Variants in IFT74 observed in about 807,000 individuals in gnomAD.
IFT74 encodes intraflagellar transport protein 74 homolog.
In IFT74, 92 loss-of-function variants were observed where a neutral mutation model predicts 96.7. The ratio of observed to expected loss-of-function variants is 0.95; its 90% CI spans 0.80 to 1.13. The LOEUF is 1.13. IFT74 is among the 50% of genes most tolerant of loss of function. IFT74 has a pLI of 0.00. For missense variants in IFT74, 811 were observed against 698.2 expected (o/e 1.16, Z -1.82); for synonymous variants, 223 against 213.2 (o/e 1.05, Z -0.40).
At chr9:27,051,033 A>G (rs999440386) in intron 16 of IFT74, among the ~76,000 whole-genome samples, 1 of 152,130 alleles carries the variant, frequency 6.6e-6, no homozygotes, top group African/African-American at 2.4e-5. Flanking sequence ...TATCCTACCT[A>G]GTGTGACTAT....
In IFT74 at chr9:27,066,072, T is replaced by C. The variant is rs17694631; in HGVS notation, c.*3336T>C. Among the ~76,000 whole-genome samples the C allele has an allele frequency of 0.1, 15,391 of 152,260 alleles. 1,030 individuals are homozygous for C. Among genetic ancestry groups the C allele is most frequent in the South Asian group, 0.26 (1,253 of 4,822 alleles). On this transcript the variant is annotated 3_prime_UTR_variant, in exon 20 of 20. Transcript: ENST00000380062. ...CGCATCTATATTTATGTCACACATA[T>C]CTGTTTTATTTATGTATTTATGCAC... is the stretch of plus-strand genomic sequence containing the variant.
At chr9:26,969,047 G>T (rs965029516) in intron 2 of IFT74, among the ~76,000 whole-genome samples, 5 of 151,976 alleles carry the variant, frequency 3.3e-5, no homozygotes, top group African/African-American at 1.2e-4. Context: ...GCACTTACAG[G>T]TATAAACTTT....
chr9:27,062,934 C>T lies in IFT74; in HGVS notation c.*198C>T. On this transcript the variant is annotated 3_prime_UTR_variant, in exon 20 of 20. Transcript: ENST00000380062. ...TAAATGGTTTGCATATTAAAAAGTA[C>T]CATCTTCTTTTCTTTTTATGCTACT... is the stretch of plus-strand genomic sequence containing the variant. 2.1e-6 allele frequency: 1 copy of T among 485,120 alleles called. No homozygotes were observed. The highest frequency in any genetic ancestry group is 3.6e-6 in the Non-Finnish European group (1 of 278,142). The allele number at this position is 485,120 out of a possible 1,614,324, so 30.1% of individuals were successfully genotyped here. A position where few individuals can be genotyped will look rare whatever the true frequency, so the allele number is the denominator to read the frequency against.
chr9:26,981,984 G>A (rs544593070), intron 4 of IFT74, among the ~76,000 whole-genome samples: 135 of 151,584 alleles, frequency 8.9e-4, no homozygotes, highest in African/African-American at 3.1e-3. Context: ...GGCCAGGCTG[G>A]TCTTAAACTC....
At chr9:26,950,927 A>G (rs544310845) in intron 1 of IFT74, among the ~76,000 whole-genome samples, 1 of 152,380 alleles carries the variant, frequency 6.6e-6, no homozygotes, top group African/African-American at 2.4e-5. Flanking sequence ...TGGGTTCTTG[A>G]TACTTTAAAA....
chr9:27,043,467 T>C (rs1819560452), intron 13 of IFT74, among the ~76,000 whole-genome samples: 1 of 152,194 alleles, frequency 6.6e-6, no homozygotes, highest in Admixed American at 6.5e-5. Context: ...GCTGCCATGT[T>C]CCTTCAAAGC....
At chr9:27,045,076 C>G (rs1359712372) in intron 14 of IFT74, among the ~76,000 whole-genome samples, 1 of 152,162 alleles carries the variant, frequency 6.6e-6, no homozygotes, top group Non-Finnish European at 1.5e-5. Flanking sequence ...CCAGGGGTCC[C>G]CAATCCCCAG....
chr9:27,059,602 C>G (rs1033732735), intron 18 of IFT74, among the ~76,000 whole-genome samples: 7 of 152,170 alleles, frequency 4.6e-5, no homozygotes, highest in African/African-American at 1.7e-4. Flanking sequence ...TTAAGTCCAT[C>G]TTAACTTCAA....
chr9:26,971,175 T>G (rs1301116022), intron 2 of IFT74, among the ~76,000 whole-genome samples: 1 of 152,216 alleles, frequency 6.6e-6, no homozygotes, highest in African/African-American at 2.4e-5. Flanking sequence ...TGATTCACTA[T>G]TATCAATAAA....
chr9:27,022,270 G>A (rs1387263763), intron 12 of IFT74, among the ~76,000 whole-genome samples: 1 of 152,144 alleles, frequency 6.6e-6, no homozygotes, highest in East Asian at 1.9e-4. Context: ...TTAATGTGAT[G>A]TCTCCAGCTT....
Position 26,996,334 on chromosome 9 carries a change from G to A in IFT74, c.587+6139G>A, listed in dbSNP as rs199558016. 57 of 1,597,528 alleles carry A rather than the reference G, an allele frequency of 3.6e-5. No homozygotes were observed. The highest frequency in any genetic ancestry group is 3.4e-5 in the Admixed American group (2 of 59,082). On this transcript the variant is annotated intron_variant, in intron 8 of 19. Coordinates refer to ENST00000380062, the MANE Select transcript of IFT74 (RefSeq NM_025103.4). ...ACCTGAATTTCTTGTTAAGTTGTTC[G>A]AAGAGCTATTAAATATTGAATTGCT...
chr9:26,958,524 A>G (rs1440400676), intron 1 of IFT74, among the ~76,000 whole-genome samples: 1 of 152,216 alleles, frequency 6.6e-6, no homozygotes, highest in East Asian at 1.9e-4. Flanking sequence ...CAAAATCAGT[A>G]GAACTAAACA....
chr9:27,001,244 G>C (rs10967654), intron 8 of IFT74, among the ~76,000 whole-genome samples: 3,126 of 152,034 alleles, frequency 0.021, 49 homozygotes, highest in Non-Finnish European at 0.031. Flanking sequence ...TTTTGCTCTT[G>C]TGAATAGTCC....
At chr9:26,982,466 T>C in intron 4 of IFT74, 1 of 380,278 alleles carries the variant, frequency 2.6e-6, no homozygotes, top group Non-Finnish European at 5.1e-6. Context: ...TTTTTTTTTT[T>C]TTTTTTTGAG....
intron 1 of IFT74, among the ~76,000 whole-genome samples, chr9:26,950,824 C>T (rs1430450030): frequency 6.6e-6 from 1 of 152,140 alleles, no homozygotes; most frequent in Non-Finnish European, 1.5e-5. Context: ...TATTGGTTAC[C>T]TTAATGAATT....
chr9:26,980,684 T>C (rs1021658347), intron 4 of IFT74, 65 bp downstream of exon 4: 1 of 1,024,122 alleles, frequency 9.8e-7, no homozygotes, highest in East Asian at 2.4e-5. Context: ...TCTGTCAAAA[T>C]AGAGTATATA....
At chr9:26,973,232 T>C (rs1283715617) in intron 2 of IFT74, among the ~76,000 whole-genome samples, 1 of 152,152 alleles carries the variant, frequency 6.6e-6, no homozygotes, top group Admixed American at 6.5e-5. Context: ...ACAGGTTGAG[T>C]GGTCTGGACT....
At chr9:26,948,449 T>TTATTATTATTA (rs1563926434) in intron 1 of IFT74, among the ~76,000 whole-genome samples, 14 of 25,474 alleles carry the variant, frequency 5.5e-4, no homozygotes, top group South Asian at 2.5e-3. Flanking sequence ...CTTTCCATTA[T>TTATTATTATTA]TTTTTTTTTT....
At chr9:26,991,968 G>A (rs946732246) in intron 8 of IFT74, among the ~76,000 whole-genome samples, 2 of 152,018 alleles carry the variant, frequency 1.3e-5, no homozygotes, top group African/African-American at 4.8e-5. Context: ...GGCAGAGGTT[G>A]CAGTTAGCTG....
Sources: allele counts gnomAD v4.1 joint callset (sites outside exome capture counted in the v4.1 genomes callset), GRCh38; gene constraint gnomAD v4.1.1; transcripts MANE v1.5; gene names NCBI Gene and HGNC (gene_info 2026-07-23, HGNC 2026-07-21).